MEIS2: variants seen among roughly 807,000 people sequenced by gnomAD.
MEIS2 encodes the protein homeobox protein Meis2.
A neutral mutation model predicts 58.6 loss-of-function variants in MEIS2; 9 were observed. The ratio of observed to expected loss-of-function variants is 0.15; its 90% CI spans 0.09 to 0.27. The LOEUF (loss-of-function observed/expected upper bound fraction) is 0.27. MEIS2 is among the 10% of genes least tolerant of loss of function. The pLI is 1.00. For synonymous variants in MEIS2, 221 were observed against 228.4 expected, an observed-to-expected ratio of 0.97 and a Z score of 0.29; for missense variants, 427 against 635.0, an observed-to-expected ratio of 0.67 and a Z score of 3.52.
chr15:37,053,369 C>T (rs760614480), intron 7 of MEIS2, among the ~76,000 whole-genome samples: 3 of 152,158 alleles, frequency 2.0e-5, no homozygotes, highest in Non-Finnish European at 4.4e-5. Flanking sequence ...GTGAGGAATT[C>T]ACCGCTGACC....
intron 8 of MEIS2, among the ~76,000 whole-genome samples, chr15:36,961,470 T>C (rs568933050): frequency 5.9e-5 from 9 of 152,214 alleles, no homozygotes; most frequent in African/African-American, 2.2e-4. Context: ...TTTGCCACCA[T>C]AATGGAATGT....
intron 8 of MEIS2, among the ~76,000 whole-genome samples, chr15:37,034,511 G>A (rs1198233746): frequency 2.0e-5 from 3 of 152,136 alleles, no homozygotes; most frequent in South Asian, 2.1e-4. Flanking sequence ...CTGTTAGTTC[G>A]TAGCACAGCA....
intron 6 of MEIS2, among the ~76,000 whole-genome samples, chr15:37,091,822 T>C (rs1038783318): frequency 4.6e-5 from 7 of 152,174 alleles, no homozygotes; most frequent in African/African-American, 1.7e-4. Flanking sequence ...AGAAATATCA[T>C]GAGAAAAGCT....
rs954376787 is a variant in MEIS2 at position 36,998,723 on chromosome 15, C to T, written c.900+38091G>A. 3.3e-5 allele frequency among the ~76,000 whole-genome samples: 5 copies of T among 152,124 alleles called. No individual in the cohort carries two copies. The East Asian group carries it at 5.8e-4, about 18-fold the overall frequency. On this transcript the variant is annotated intron_variant, in intron 8 of 11. Transcript: ENST00000561208. ...AAACTATTTTCGGCCATAAGAAAGA[C>T]GCTAAGGACTTCATAAACTGCTTGA...
chr15:36,971,536 TTAA>T lies in MEIS2; in HGVS notation c.901-21139_901-21137del, dbSNP rs1464099126. ...TGTATTACTTGTATGCCTTGTTACA[TTAA>T]AAAAAAAAAAAAAAAAAAAAAAAAA... On this transcript the variant is annotated intron_variant, in intron 8 of 11. Transcript: ENST00000561208. 1.2e-3 allele frequency among the ~76,000 whole-genome samples: 79 copies of T among 65,416 alleles called. 5 individuals are homozygous for T. The highest frequency in any genetic ancestry group is 0.012 in the Middle Eastern group (1 of 82). 42.9% of individuals were successfully genotyped at this position (65,416 alleles called of 152,430 possible).
chr15:36,988,750 C>T (rs2060174119), intron 8 of MEIS2, among the ~76,000 whole-genome samples: 1 of 152,150 alleles, frequency 6.6e-6, no homozygotes, highest in Non-Finnish European at 1.5e-5. Flanking sequence ...CTCTTCAATT[C>T]AATGAGATGT....
intron 7 of MEIS2, among the ~76,000 whole-genome samples, chr15:37,055,550 A>G (rs1567234330): frequency 6.6e-6 from 1 of 152,082 alleles, no homozygotes; most frequent in Non-Finnish European, 1.5e-5. Flanking sequence ...ACCACCTTCA[A>G]CCTTGCTGTA....
intron 9 of MEIS2, among the ~76,000 whole-genome samples, chr15:36,904,923 T>C (rs962818328): frequency 1.3e-5 from 2 of 152,188 alleles, no homozygotes; most frequent in East Asian, 3.9e-4. Context: ...TCTCAACAGA[T>C]AAATCTGTCA....
In MEIS2 at chr15:36,892,167, C is replaced by T. The variant is rs2055893833; in HGVS notation, c.*6G>A. On this transcript the variant is annotated 3_prime_UTR_variant, in exon 12 of 12. Coordinates refer to ENST00000561208, the MANE Select transcript of MEIS2 (RefSeq NM_170675.5). The stretch of plus-strand genomic sequence containing the variant: ...TGTGTTTCCTTTTCCCTTGAGTTCC[C>T]TTATACTATTGGGCATGAATGTCCA... 1.9e-6 allele frequency: 3 copies of T among 1,614,028 alleles called. No homozygotes were observed. Among genetic ancestry groups the T allele is most frequent in the Admixed American group, 1.7e-5 (1 of 60,020 alleles).
At chr15:36,987,245 A>G (rs141259033) in intron 8 of MEIS2, among the ~76,000 whole-genome samples, 1 of 151,898 alleles carries the variant, frequency 6.6e-6, no homozygotes, top group African/African-American at 2.4e-5. Context: ...CTGTCTCTAC[A>G]AAAAGTACAA....
chr15:37,052,994 G>T (rs1230541130), intron 7 of MEIS2, among the ~76,000 whole-genome samples: 1 of 152,118 alleles, frequency 6.6e-6, no homozygotes, highest in East Asian at 1.9e-4. Flanking sequence ...AAGACAACTC[G>T]AAGGGCACCA....
intron 7 of MEIS2, among the ~76,000 whole-genome samples, chr15:37,055,441 C>T (rs1888257818): frequency 6.6e-6 from 1 of 152,078 alleles, no homozygotes; most frequent in Non-Finnish European, 1.5e-5. Context: ...CTTCCTAGAG[C>T]CTCACTTTCA....
chr15:37,021,298 A>G (rs1478919977), intron 8 of MEIS2, among the ~76,000 whole-genome samples: 1 of 152,062 alleles, frequency 6.6e-6, no homozygotes, highest in Non-Finnish European at 1.5e-5. Context: ...CTTTCCAGCC[A>G]CTTTTCTCAT....
Position 36,966,634 on chromosome 15 carries a change from G to A in MEIS2, c.901-16234C>T, listed in dbSNP as rs918007138. On this transcript the variant is annotated intron_variant, in intron 8 of 11. Transcript: ENST00000561208. ...TAAGTCATGTATTAATTGACCAAAT[G>A]GATATTGAGTGCCAGGCACTGTTAC... 1.9e-4 allele frequency among the ~76,000 whole-genome samples: 29 copies of A among 152,242 alleles called. No individual in the cohort carries two copies. The East Asian group carries it at 4.4e-3, about 23-fold the overall frequency.
chr15:37,009,765 TG>T (rs2061066366), intron 8 of MEIS2, among the ~76,000 whole-genome samples: 3 of 152,208 alleles, frequency 2.0e-5, no homozygotes, highest in Admixed American at 2.0e-4. Flanking sequence ...GACAAGGATC[TG>T]GAGATTGAAA....
At chr15:37,089,613 G>A (rs1232178150) in intron 6 of MEIS2, among the ~76,000 whole-genome samples, 4 of 152,084 alleles carry the variant, frequency 2.6e-5, no homozygotes, top group Non-Finnish European at 5.9e-5. Context: ...TAAGGTATCT[G>A]CTATTAACTG....
In MEIS2 at chr15:36,921,381, T is replaced by C. The variant is rs567661332; in HGVS notation, c.978-24695A>G. 3.9e-5 allele frequency among the ~76,000 whole-genome samples: 6 copies of C among 152,326 alleles called. No homozygotes were observed. The East Asian group carries it at 1.2e-3, about 29-fold the overall frequency. On this transcript the variant is annotated intron_variant, in intron 9 of 11. Transcript: ENST00000561208. ...TCAAGGGACAGCCACCCAGCTTGTG[T>C]TAGAAGTCATTAACTATACTCAGAC...
At chr15:36,941,958 G>A (rs1378911495) in intron 9 of MEIS2, among the ~76,000 whole-genome samples, 1 of 152,150 alleles carries the variant, frequency 6.6e-6, no homozygotes, top group Non-Finnish European at 1.5e-5. Flanking sequence ...CTTTAAGGAA[G>A]TTTGGAACTT....
intron 7 of MEIS2, among the ~76,000 whole-genome samples, chr15:37,065,801 C>T (rs1298233144): frequency 6.6e-6 from 1 of 152,144 alleles, no homozygotes; most frequent in African/African-American, 2.4e-5. Context: ...TTCACTAACT[C>T]TTCAGTTTTT....
Sources: gnomAD v4.1 joint callset for allele counts (sites outside exome capture counted in the v4.1 genomes callset) on GRCh38, gnomAD v4.1.1 for gene constraint, MANE v1.5 for transcripts, NCBI Gene and HGNC (gene_info 2026-07-23, HGNC 2026-07-21) for gene names.